The following PRKAG2 variants were observed in gnomAD, a reference collection of about 807,000 sequenced individuals.
The protein encoded by PRKAG2 is 5'-AMP-activated protein kinase subunit gamma-2.
PRKAG2 carries 26 observed loss-of-function variants against 69.6 expected under a neutral mutation model. That is an observed-to-expected ratio of 0.37 (90% CI 0.27 to 0.52). The LOEUF is 0.52. Ranked by LOEUF, PRKAG2 falls within the 20% of genes least tolerant of loss-of-function variation. The pLI is 0.90. For missense variants in PRKAG2, 557 were observed against 740.0 expected (o/e 0.75, Z 2.87); for synonymous variants, 293 against 285.0 (o/e 1.03, Z -0.28).
At chr7:151,693,087 A>C (rs1835959673) in intron 3 of PRKAG2, among the ~76,000 whole-genome samples, 1 of 152,138 alleles carries the variant, frequency 6.6e-6, no homozygotes, top group Non-Finnish European at 1.5e-5. Flanking sequence ...ACCCGCCCTC[A>C]CCTTCCACCA....
rs1200200547 is a variant in PRKAG2 at position 151,850,706 on chromosome 7, C to T, written c.114+25801G>A. Among the ~76,000 whole-genome samples, 1 of 152,242 alleles carries T rather than the reference C, an allele frequency of 6.6e-6. No individual in the cohort carries two copies. The highest frequency in any genetic ancestry group is 1.9e-4 in the East Asian group (1 of 5,200). On this transcript the variant is annotated intron_variant, in intron 1 of 15. Transcript: ENST00000287878. This position sits in a 1 kb window ranked among gnomAD's most constrained non-coding sequence, Gnocchi z 4.1. ...CCCCACCAGCATCCACCCGCCCCAC[C>T]GGCTTCTGCCAGAGGGAGGAGTCAG...
intron 5 of PRKAG2, among the ~76,000 whole-genome samples, chr7:151,598,319 G>C (rs1048986239): frequency 9.9e-5 from 15 of 152,168 alleles, no homozygotes; most frequent in African/African-American, 3.1e-4. Flanking sequence ...GTGGGGGTAT[G>C]AGGAGAGGTT....
intron 1 of PRKAG2, among the ~76,000 whole-genome samples, chr7:151,852,081 CTGAG>C (rs1212744025): frequency 6.6e-6 from 1 of 152,218 alleles, no homozygotes; most frequent in Admixed American, 6.5e-5. Flanking sequence ...GTGCTGCTTA[CTGAG>C]TGACAGGACG....
At chr7:151,591,138 A>G (rs183192968) in intron 6 of PRKAG2, among the ~76,000 whole-genome samples, 1 of 152,332 alleles carries the variant, frequency 6.6e-6, no homozygotes, top group Admixed American at 6.5e-5. Flanking sequence ...CTTCAATAGG[A>G]AAAGTGAACT....
At chr7:151,674,761 C>CTTT (rs5888446) in intron 4 of PRKAG2, among the ~76,000 whole-genome samples, 13 of 148,136 alleles carry the variant, frequency 8.8e-5, no homozygotes, top group Non-Finnish European at 1.0e-4. Flanking sequence ...TTCTGTTTTA[C>CTTT]TTTTTTTTTT....
chr7:151,653,819 G>A (rs1444645193), intron 4 of PRKAG2, among the ~76,000 whole-genome samples: 1 of 152,186 alleles, frequency 6.6e-6, no homozygotes, highest in African/African-American at 2.4e-5. Flanking sequence ...TCTAGCCTGA[G>A]TGACAGAGCG....
rs747247488 is a variant in PRKAG2, at chr7:151,568,791, G to C, written c.1158C>G (p.Pro386=). ...SLIKNKIHRL[P]VIDPISGNAL... is the part of the protein sequence containing the mutation. ...CATTCCCACTGATAGGGTCAATAAC[G>C]GGCAATCTGTGGATTTTATTTTTGA... Residue 386 remains proline, a synonymous_variant, in exon 11 of 16, where the codon CCC becomes CCG. Transcript: ENST00000287878. 3 of 1,613,706 alleles carry C rather than the reference G, an allele frequency of 1.9e-6. No individual in the cohort carries two copies. In the African/African-American group the frequency reaches 4.0e-5, roughly 22 times the overall value.
chr7:151,564,215 C>A lies in PRKAG2; in HGVS notation c.1447G>T (p.Ala483Ser). Reference protein sequence around the residue: ...YSKFDVINLAAEKTYNNLDIT... With the variant: ...YSKFDVINLASEKTYNNLDIT... ...TCTAGGTTATTGTATGTTTTCTCAGCAGCAAGATTCTGTAATGAAGCAAGA... is the reference window on the plus strand; with the variant it reads ...TCTAGGTTATTGTATGTTTTCTCAGAAGCAAGATTCTGTAATGAAGCAAGA... The change falls in exon 14 of 16, where the codon GCT becomes TCT. Residue 483 changes from alanine (A) to serine (S), a missense_variant. Physicochemically the swap from Ala to Ser is moderately conservative, Grantham distance 99. Coordinates refer to ENST00000287878, the MANE Select transcript of PRKAG2 (RefSeq NM_016203.4). The A allele has an allele frequency of 6.2e-7, 1 of 1,614,132 alleles. No individual in the cohort carries two copies.
At chr7:151,566,494 G>A (rs986704302) in intron 11 of PRKAG2, 4 of 377,236 alleles carry the variant, frequency 1.1e-5, no homozygotes, top group Non-Finnish European at 1.6e-5. Context: ...TTTTAAAGGA[G>A]GAGGGATATG....
chr7:151,862,845 T>C (rs2079967048), intron 1 of PRKAG2, among the ~76,000 whole-genome samples: 1 of 150,930 alleles, frequency 6.6e-6, no homozygotes, highest in African/African-American at 2.4e-5. Context: ...CAGGGAGCAC[T>C]GGTAGATCCC....
intron 3 of PRKAG2, among the ~76,000 whole-genome samples, chr7:151,770,866 C>T (rs1438596492): frequency 1.3e-5 from 2 of 152,220 alleles, no homozygotes; most frequent in African/African-American, 4.8e-5. Context: ...CCCCACGCCC[C>T]ATCCCCGACT....
chr7:151,841,632 T>G, intron 1 of PRKAG2, among the ~76,000 whole-genome samples: 1 of 136,934 alleles, frequency 7.3e-6, no homozygotes, highest in African/African-American at 2.8e-5. Context: ...ATGGTAGTGA[T>G]AGTAGTGATG....
chr7:151,854,109 A>T (rs909469381), intron 1 of PRKAG2, among the ~76,000 whole-genome samples: 1 of 152,232 alleles, frequency 6.6e-6, no homozygotes, highest in African/African-American at 2.4e-5. Context: ...CTGCAGTGCC[A>T]GCAGGCAGTG....
intron 4 of PRKAG2, among the ~76,000 whole-genome samples, chr7:151,658,452 T>C (rs1437562074): frequency 1.5e-5 from 2 of 133,930 alleles, no homozygotes; most frequent in Non-Finnish European, 3.1e-5. Flanking sequence ...GCCATTGCAC[T>C]CCAGCCTGGG....
intron 5 of PRKAG2, among the ~76,000 whole-genome samples, chr7:151,597,589 A>C (rs1350777254): frequency 6.6e-6 from 1 of 152,230 alleles, no homozygotes; most frequent in African/African-American, 2.4e-5. Flanking sequence ...CAGGAAAAAA[A>C]CCCCAAATAA....
chr7:151,872,688 C>T (rs1324001737), intron 1 of PRKAG2, among the ~76,000 whole-genome samples: 4 of 152,240 alleles, frequency 2.6e-5, no homozygotes, highest in African/African-American at 9.6e-5. Context: ...GAGGGTTGCC[C>T]CTCAGGGCAT....
chr7:151,625,968 G>A (rs571985928), intron 5 of PRKAG2, among the ~76,000 whole-genome samples: 8 of 152,304 alleles, frequency 5.3e-5, no homozygotes, highest in African/African-American at 1.7e-4. Flanking sequence ...ACAGGGGTCC[G>A]AAGCATGGGT....
chr7:151,725,006 C>T (rs944433501), intron 3 of PRKAG2, among the ~76,000 whole-genome samples: 12 of 152,070 alleles, frequency 7.9e-5, no homozygotes, highest in African/African-American at 2.4e-4. Context: ...GTGGATGCAT[C>T]GACCCCTTTC....
At chr7:151,664,657 C>T (rs1830778358) in intron 4 of PRKAG2, among the ~76,000 whole-genome samples, 1 of 152,232 alleles carries the variant, frequency 6.6e-6, no homozygotes, top group African/African-American at 2.4e-5. Context: ...AGGTCTACTG[C>T]ATACCTAGGT....
Sources: gnomAD v4.1 joint callset for allele counts (sites outside exome capture counted in the v4.1 genomes callset) on GRCh38, gnomAD v4.1.1 for gene constraint, Gnocchi (gnomAD v3.1) non-coding constraint, MANE v1.5 for transcripts, NCBI Gene and HGNC (gene_info 2026-07-23, HGNC 2026-07-21) for gene names.